Variants in ITPR2 observed in about 807,000 individuals in gnomAD.
ITPR2 encodes the protein inositol 1,4,5-trisphosphate-gated calcium channel ITPR2.
In ITPR2, 207 loss-of-function variants were observed where a neutral mutation model predicts 317.1. The observed-to-expected ratio is 0.65, with a 90% CI of 0.58 to 0.73. The LOEUF (loss-of-function observed/expected upper bound fraction) is 0.73. ITPR2 is among the 30% of genes least tolerant of loss of function. ITPR2 has a pLI of 0.00. For synonymous variants in ITPR2, 1,156 were observed against 1,149.1 expected, an observed-to-expected ratio of 1.01 and a Z score of -0.12; for missense variants, 2,613 against 3,284.0, an observed-to-expected ratio of 0.80 and a Z score of 4.99.
chr12:26,458,584 G>A (rs896078896), intron 45 of ITPR2, among the ~76,000 whole-genome samples: 2 of 152,108 alleles, frequency 1.3e-5, no homozygotes, highest in African/African-American at 2.4e-5. Context: ...CGTCATCAAC[G>A]ATAAAAACAA....
At chr12:26,482,769 AATGT>A (rs1942574631) in intron 42 of ITPR2, among the ~76,000 whole-genome samples, 1 of 152,136 alleles carries the variant, frequency 6.6e-6, no homozygotes, top group African/African-American at 2.4e-5. Flanking sequence ...TAGATTCATA[AATGT>A]ATGTGTGTGT....
intron 52 of ITPR2, among the ~76,000 whole-genome samples, chr12:26,406,875 A>C (rs924177422): frequency 6.6e-6 from 1 of 152,204 alleles, no homozygotes; most frequent in Non-Finnish European, 1.5e-5. Context: ...TTACAATGTC[A>C]AATACAAAAA....
chr12:26,571,322 C>G (rs1441718237), intron 34 of ITPR2, among the ~76,000 whole-genome samples: 3 of 152,058 alleles, frequency 2.0e-5, no homozygotes, highest in African/African-American at 7.2e-5. Context: ...ATCATAGCCT[C>G]AAAACATTAA....
Position 26,347,146 on chromosome 12 carries a change from G to T in ITPR2, c.7858-6818C>A, listed in dbSNP as rs1297568535. On this transcript the variant is annotated intron_variant, in intron 55 of 56. Transcript: ENST00000381340. Reference sequence around the variant, plus strand: ...GCAAGTTCTTCCATATTACATAGTGGAATAGCTCTTATATAATCTATCCCT... The same window carrying T: ...GCAAGTTCTTCCATATTACATAGTGTAATAGCTCTTATATAATCTATCCCT... Among the ~76,000 whole-genome samples the T allele has an allele frequency of 3.3e-5, 5 of 152,108 alleles. No homozygotes were observed. In the East Asian group the frequency reaches 9.6e-4, roughly 29 times the overall value.
intron 43 of ITPR2, among the ~76,000 whole-genome samples, chr12:26,479,484 T>G (rs1942498313): frequency 6.6e-6 from 1 of 152,160 alleles, no homozygotes; most frequent in South Asian, 2.1e-4. Context: ...GTCTTTAGAC[T>G]AATGAAGGAT....
chr12:26,584,625 A>G (rs940492898), intron 32 of ITPR2, among the ~76,000 whole-genome samples: 2 of 152,242 alleles, frequency 1.3e-5, no homozygotes, highest in Non-Finnish European at 2.9e-5. Context: ...GAAATCATCT[A>G]TATCTGTGAT....
chr12:26,570,536 C>A (rs1467835465), intron 34 of ITPR2, among the ~76,000 whole-genome samples: 1 of 152,124 alleles, frequency 6.6e-6, no homozygotes, highest in East Asian at 1.9e-4. Context: ...ATATTTTCTA[C>A]ATGTACAATT....
chr12:26,378,065 T>G (rs757655959), intron 55 of ITPR2, among the ~76,000 whole-genome samples: 2 of 152,098 alleles, frequency 1.3e-5, no homozygotes, highest in Non-Finnish European at 2.9e-5. Flanking sequence ...GAGTGCCTAC[T>G]ATATACTGGG....
chr12:26,811,719 T>C (rs1335926435), intron 1 of ITPR2, among the ~76,000 whole-genome samples: 2 of 137,496 alleles, frequency 1.5e-5, no homozygotes, highest in Admixed American at 7.6e-5. Context: ...CCGGGCGTGG[T>C]GGCGGGTACC....
intron 52 of ITPR2, among the ~76,000 whole-genome samples, chr12:26,402,816 A>G (rs1331931095): frequency 2.6e-5 from 4 of 152,184 alleles, no homozygotes; most frequent in Non-Finnish European, 5.9e-5. Context: ...TGGTAAATTC[A>G]TCTAGTAAAT....
intron 52 of ITPR2, 92 bp from the exon 53 acceptor site, chr12:26,400,350 T>C (rs1404801431): frequency 3.6e-6 from 2 of 548,560 alleles, no homozygotes; most frequent in African/African-American, 2.0e-5. Flanking sequence ...ACAATAAATA[T>C]ACATACATAT....
chr12:26,361,695 C>T (rs1565488348), intron 55 of ITPR2, among the ~76,000 whole-genome samples: 1 of 152,168 alleles, frequency 6.6e-6, no homozygotes, highest in Non-Finnish European at 1.5e-5. Context: ...GGAATAATCA[C>T]CAGATTTCTT....
intron 37 of ITPR2, among the ~76,000 whole-genome samples, chr12:26,498,301 A>G (rs1942991388): frequency 6.6e-6 from 1 of 152,256 alleles, no homozygotes; most frequent in Non-Finnish European, 1.5e-5. Context: ...ACTTAAGTGC[A>G]GCACCTAGAA....
chr12:26,774,928 C>G (rs1169677832), intron 2 of ITPR2, among the ~76,000 whole-genome samples: 3 of 152,178 alleles, frequency 2.0e-5, no homozygotes, highest in Non-Finnish European at 4.4e-5. Context: ...TCCTGTCCTT[C>G]GTAGGAGGTT....
chr12:26,476,861 T>C (rs1942428439), intron 44 of ITPR2, 51 bp downstream of exon 44: 2 of 1,217,698 alleles, frequency 1.6e-6, no homozygotes, highest in Non-Finnish European at 2.4e-6. Context: ...TCTCTAAATT[T>C]TTTCCTTTTA....
intron 55 of ITPR2, among the ~76,000 whole-genome samples, chr12:26,382,176 T>C (rs1939528713): frequency 6.6e-6 from 1 of 152,192 alleles, no homozygotes; most frequent in Non-Finnish European, 1.5e-5. Flanking sequence ...CTTTCCTGTA[T>C]GGTCGCTCCT....
intron 13 of ITPR2, among the ~76,000 whole-genome samples, chr12:26,669,058 G>A (rs889455295): frequency 3.9e-5 from 6 of 152,094 alleles, no homozygotes; most frequent in Non-Finnish European, 5.9e-5. Context: ...GGTCAAGGCT[G>A]CAGTGAGCTG....
At chr12:26,507,787 G>C (rs1207623444) in intron 37 of ITPR2, among the ~76,000 whole-genome samples, 3 of 151,918 alleles carry the variant, frequency 2.0e-5, no homozygotes, top group Non-Finnish European at 4.4e-5. Flanking sequence ...ACTACAGGTT[G>C]CTGATGCTGA....
At chr12:26,706,582 C>T (rs964506795) in intron 9 of ITPR2, among the ~76,000 whole-genome samples, 2 of 152,102 alleles carry the variant, frequency 1.3e-5, no homozygotes, top group Non-Finnish European at 2.9e-5. Context: ...CCTCTCTGAC[C>T]CCCTGACCAT....
Sources: gnomAD v4.1 joint callset for allele counts (sites outside exome capture counted in the v4.1 genomes callset) on GRCh38, gnomAD v4.1.1 for gene constraint, MANE v1.5 for transcripts, NCBI Gene and HGNC (gene_info 2026-07-23, HGNC 2026-07-21) for gene names.